Variants in TYW1 observed in about 807,000 individuals in gnomAD.
TYW1 encodes the protein S-adenosyl-L-methionine-dependent tRNA 4-demethylwyosine synthase TYW1.
A neutral mutation model predicts 96.2 loss-of-function variants in TYW1; 46 were observed. The ratio of observed to expected loss-of-function variants is 0.48; its 90% CI spans 0.38 to 0.61. The LOEUF (loss-of-function observed/expected upper bound fraction) is 0.61, where lower values mean the gene tolerates loss of function less well. Among genes scored for constraint, TYW1 ranks in the 20% least tolerant of loss-of-function variants. TYW1 has a pLI of 0.00. For synonymous variants in TYW1, 274 were observed against 323.0 expected (o/e 0.85, Z 1.63); for missense variants, 684 against 909.6 (o/e 0.75, Z 3.19).
chr7:67,124,147 C>T (rs1471476049), intron 13 of TYW1, among the ~76,000 whole-genome samples: 1 of 152,212 alleles, frequency 6.6e-6, no homozygotes, highest in Non-Finnish European at 1.5e-5. Context: ...TAAACAGTTA[C>T]TATACTGCAT....
chr7:67,152,524 C>T (rs1335565007), intron 13 of TYW1, among the ~76,000 whole-genome samples: 1 of 152,182 alleles, frequency 6.6e-6, no homozygotes, highest in East Asian at 1.9e-4. Context: ...CACCCCGCCA[C>T]CCTGTTTGCA....
chr7:67,127,118 C>G (rs10271230), intron 13 of TYW1, among the ~76,000 whole-genome samples: 41,877 of 151,220 alleles, frequency 0.28, 6,633 homozygotes, highest in African/African-American at 0.44. Flanking sequence ...ACACTATATT[C>G]CTTCCTGAGT....
chr7:67,080,956 T>TTTTTTTTTTTTTTTTTTTG (rs1796372382), intron 10 of TYW1, among the ~76,000 whole-genome samples: 1 of 145,294 alleles, frequency 6.9e-6, no homozygotes, highest in African/African-American at 2.6e-5. Context: ...TTTTTTTTTT[T>TTTTTTTTTTTTTTTTTTTG]TTTTTTTTTT....
At chr7:67,128,514 A>G (rs572139156) in intron 13 of TYW1, among the ~76,000 whole-genome samples, 2 of 152,076 alleles carry the variant, frequency 1.3e-5, no homozygotes, top group African/African-American at 4.8e-5. Context: ...CCTGGTTTGG[A>G]TCCTTGTGCT....
chr7:67,223,152 A>G (rs925032078), intron 15 of TYW1, among the ~76,000 whole-genome samples: 10 of 152,058 alleles, frequency 6.6e-5, no homozygotes, highest in Non-Finnish European at 1.5e-4. Context: ...GTCTGTTTCT[A>G]GTGGATCTGC....
chr7:67,127,175 T>TTC (rs1554370854), intron 13 of TYW1, among the ~76,000 whole-genome samples: 7 of 150,794 alleles, frequency 4.6e-5, no homozygotes, highest in East Asian at 2.0e-4. Flanking sequence ...TTTTTTTTTT[T>TTC]CGAGATCGAG....
At chr7:67,096,080 A>C (rs1472957459) in intron 11 of TYW1, among the ~76,000 whole-genome samples, 2 of 152,232 alleles carry the variant, frequency 1.3e-5, no homozygotes, top group African/African-American at 4.8e-5. Context: ...ACAGGTAAGA[A>C]AGTTATGTTT....
chr7:67,046,312 G>A (rs898845251), intron 7 of TYW1, among the ~76,000 whole-genome samples: 2 of 152,028 alleles, frequency 1.3e-5, no homozygotes, highest in African/African-American at 2.4e-5. Flanking sequence ...ATTGCCTCTG[G>A]TATCACGCAT....
chr7:67,222,868 T>TTC (rs1370451144), intron 15 of TYW1, among the ~76,000 whole-genome samples: 15,210 of 59,090 alleles, frequency 0.26, 853 homozygotes, highest in Middle Eastern at 0.34. Context: ...CTTTTTTTCT[T>TTC]TTTTTTTTTT....
chr7:67,173,817 A>G (rs1307144532), intron 13 of TYW1, among the ~76,000 whole-genome samples: 1 of 143,328 alleles, frequency 7.0e-6, no homozygotes, highest in Non-Finnish European at 1.5e-5. Context: ...TAGTTTGCTG[A>G]GAGTTTTTAT....
intron 12 of TYW1, among the ~76,000 whole-genome samples, chr7:67,101,624 T>C (rs369189125): frequency 6.6e-6 from 1 of 152,204 alleles, no homozygotes; most frequent in South Asian, 2.1e-4. Context: ...CAAGCGATTC[T>C]CCTGCCTCAG....
chr7:67,149,433 A>T (rs895690200), intron 13 of TYW1, among the ~76,000 whole-genome samples: 1 of 152,178 alleles, frequency 6.6e-6, no homozygotes, highest in Admixed American at 6.5e-5. Context: ...ACTCATATAC[A>T]TGGCAAAAAC....
At chr7:67,195,079 A>G in intron 14 of TYW1, 91 bp from the exon 15 acceptor site, 1 of 1,458,812 alleles carries the variant, frequency 6.9e-7, no homozygotes, top group South Asian at 1.3e-5. Flanking sequence ...GCATTGGTTG[A>G]CCTCAAGAAG....
At chr7:67,111,668 A>G (rs192876854) in intron 12 of TYW1, among the ~76,000 whole-genome samples, 2 of 152,376 alleles carry the variant, frequency 1.3e-5, no homozygotes, top group African/African-American at 4.8e-5. Flanking sequence ...GAATATTTGA[A>G]CAAATAATGA....
chr7:67,188,982 T>C (rs1563062887), intron 14 of TYW1, among the ~76,000 whole-genome samples: 1 of 152,258 alleles, frequency 6.6e-6, no homozygotes, highest in Non-Finnish European at 1.5e-5. Flanking sequence ...TACTGAATTG[T>C]TGACAAATTT....
intron 13 of TYW1, among the ~76,000 whole-genome samples, chr7:67,141,393 C>T (rs1798443586): frequency 6.6e-6 from 1 of 152,168 alleles, no homozygotes; most frequent in Admixed American, 6.6e-5. Context: ...AAATAATTTT[C>T]CAAGTCTTAG....
At chr7:67,235,498 T>C (rs1318314013) in intron 15 of TYW1, among the ~76,000 whole-genome samples, 1 of 152,160 alleles carries the variant, frequency 6.6e-6, no homozygotes, top group African/African-American at 2.4e-5. Flanking sequence ...CAGTCCCTTT[T>C]ATTCCATGGA....
intron 13 of TYW1, among the ~76,000 whole-genome samples, chr7:67,155,515 G>A (rs7350000): frequency 4.6e-5 from 7 of 151,868 alleles, no homozygotes; most frequent in Admixed American, 2.0e-4. Context: ...AACTGTGAGC[G>A]AATTAAACCT....
chr7:67,179,358 C>T (rs574200607), intron 13 of TYW1, among the ~76,000 whole-genome samples: 2 of 135,890 alleles, frequency 1.5e-5, no homozygotes, highest in East Asian at 3.9e-4. Context: ...TTCTTCACTT[C>T]ATCCTGTCTG....
Sources: gnomAD v4.1 joint callset for allele counts (sites outside exome capture counted in the v4.1 genomes callset) on GRCh38, gnomAD v4.1.1 for gene constraint, MANE v1.5 for transcripts, NCBI Gene and HGNC (gene_info 2026-07-23, HGNC 2026-07-21) for gene names.